Variants in ADD1 observed in about 807,000 individuals in gnomAD.
The protein encoded by ADD1 is alpha-adducin.
Under a neutral mutation model 80.5 loss-of-function variants are expected in ADD1, and 24 were observed. The observed-to-expected ratio is 0.30, with a 90% confidence interval of 0.22 to 0.42. The LOEUF (loss-of-function observed/expected upper bound fraction) is 0.42, where lower values mean the gene tolerates loss of function less well. Among genes scored for constraint, ADD1 ranks in the 10% least tolerant of loss-of-function variants. The probability of loss-of-function intolerance (pLI) is 1.00; values close to 1 mark genes in which losing one functional copy is unlikely to be tolerated. For synonymous variants in ADD1, 373 were observed against 393.8 expected (o/e 0.95, Z 0.63); for missense variants, 948 against 1,019.0 (o/e 0.93, Z 0.95).
In ADD1 at chr4:2,844,279, T is replaced by A. The variant is rs936802584; in HGVS notation, c.-21+255T>A. The A allele has an allele frequency of 3.9e-5, 6 of 152,316 alleles. No homozygotes were observed. In the East Asian group the frequency reaches 1.2e-3, roughly 29 times the overall value. The allele number at this position is 152,316 out of a possible 1,614,324, so 9.4% of individuals were successfully genotyped here. A position where few individuals can be genotyped will look rare whatever the true frequency, so the allele number is the denominator to read the frequency against. ...CGGGATAGGACCCCGGGGACTAGGC[T>A]TTTCCCGGGCCGCTCGTTCCTGGCC... On this transcript the variant is annotated intron_variant, in intron 1 of 15. Coordinates refer to ENST00000683351, the MANE Select transcript of ADD1 (RefSeq NM_001354761.2).
At position 2,904,985 on chromosome 4, in the gene ADD1, G is replaced by A; in HGVS notation, c.1383G>A (p.Gln461=). The change falls in exon 10 of 16, where the codon CAG becomes CAA. Residue 461 remains glutamine, a synonymous_variant. Coordinates refer to ENST00000683351, the MANE Select transcript of ADD1 (RefSeq NM_001354761.2). ...GRGDEASEEG[Q]NGSSPKSKTK... ...GCGACGAAGCTTCCGAGGAAGGGCA[G>A]AATGGAAGCAGTCCCAAGTCGAAGA... 6.2e-7 allele frequency: 1 copy of A among 1,614,224 alleles called. No homozygotes were observed.
intron 1 of ADD1, among the ~76,000 whole-genome samples, chr4:2,860,311 A>G (rs1728663755): frequency 1.3e-5 from 2 of 152,238 alleles, no homozygotes; most frequent in African/African-American, 4.8e-5. Flanking sequence ...TTTTGGAAAC[A>G]TAAGACCTTC....
chr4:2,924,058 G>C (rs924403893), intron 14 of ADD1, among the ~76,000 whole-genome samples: 5 of 152,232 alleles, frequency 3.3e-5, no homozygotes, highest in African/African-American at 1.2e-4. Context: ...CAGGCCGGAG[G>C]GTGAAAATGC....
intron 2 of ADD1, among the ~76,000 whole-genome samples, chr4:2,877,001 CAA>C (rs397879163): frequency 0.36 from 42,191 of 118,010 alleles, 6,291 homozygotes; most frequent in African/African-American, 0.46. Context: ...GACTCTGTCT[CAA>C]AAAAAAAAAA....
chr4:2,850,188 T>C (rs902551227), intron 1 of ADD1, among the ~76,000 whole-genome samples: 2 of 152,236 alleles, frequency 1.3e-5, no homozygotes, highest in Admixed American at 6.5e-5. Flanking sequence ...GAAAACATGC[T>C]AAGTGGAAGA....
intron 3 of ADD1, 53 bp downstream of exon 3, chr4:2,882,113 C>A (rs918494052): frequency 3.1e-5 from 46 of 1,489,566 alleles, no homozygotes; most frequent in Admixed American, 7.1e-5. Context: ...GGTAAAATTT[C>A]CTGAAGATTG....
At chr4:2,873,799 T>C (rs1285927893) in intron 1 of ADD1, among the ~76,000 whole-genome samples, 2 of 152,250 alleles carry the variant, frequency 1.3e-5, no homozygotes, top group Non-Finnish European at 2.9e-5. Flanking sequence ...TGAGGAAATA[T>C]TGCCAGATAA....
chr4:2,914,116 A>ACCC (rs928565129), intron 13 of ADD1, among the ~76,000 whole-genome samples: 2 of 150,834 alleles, frequency 1.3e-5, no homozygotes, highest in African/African-American at 2.4e-5. Flanking sequence ...CCTGCCCCTG[A>ACCC]CCCAATCAGG....
At chr4:2,899,236 A>G (rs770123552) in intron 8 of ADD1, 23 bp from the exon 9 acceptor site, 3 of 1,594,676 alleles carry the variant, frequency 1.9e-6, no homozygotes, top group South Asian at 2.3e-5. Flanking sequence ...AACTCAAGCC[A>G]TGCTGTGTGT....
chr4:2,909,294 C>T, intron 12 of ADD1, 45 bp from the exon 13 acceptor site: 3 of 1,478,006 alleles, frequency 2.0e-6, no homozygotes, highest in Non-Finnish European at 2.8e-6. Flanking sequence ...TGATATTTCA[C>T]AGGCTGGGCC....
chr4:2,860,995 C>G (rs1162968168), intron 1 of ADD1, among the ~76,000 whole-genome samples: 2 of 152,106 alleles, frequency 1.3e-5, no homozygotes, highest in Non-Finnish European at 2.9e-5. Flanking sequence ...GGGGACTATT[C>G]TAAATAGGGT....
At chr4:2,879,271 C>G (rs1323576968) in intron 2 of ADD1, among the ~76,000 whole-genome samples, 1 of 152,158 alleles carries the variant, frequency 6.6e-6, no homozygotes, top group Non-Finnish European at 1.5e-5. Flanking sequence ...GCCACGTGTC[C>G]TTTCTGCACT....
At chr4:2,862,942 C>G (rs1241865027) in intron 1 of ADD1, among the ~76,000 whole-genome samples, 1 of 152,224 alleles carries the variant, frequency 6.6e-6, no homozygotes, top group Non-Finnish European at 1.5e-5. Flanking sequence ...TCCTTTGACT[C>G]TGCTCCAGTT....
intron 2 of ADD1, among the ~76,000 whole-genome samples, chr4:2,876,967 ACTC>A (rs1258203153): frequency 1.3e-5 from 2 of 148,812 alleles, no homozygotes; most frequent in African/African-American, 5.0e-5. Flanking sequence ...GTGCTACTGC[ACTC>A]CAGCCTGGGC....
chr4:2,849,687 T>A (rs1481165084), intron 1 of ADD1, among the ~76,000 whole-genome samples: 2 of 152,226 alleles, frequency 1.3e-5, no homozygotes, highest in African/African-American at 4.8e-5. Context: ...ATTAACGTAT[T>A]GAGAATGATT....
intron 4 of ADD1, among the ~76,000 whole-genome samples, chr4:2,889,146 G>A (rs768911693): frequency 3.9e-5 from 6 of 152,144 alleles, no homozygotes; most frequent in Non-Finnish European, 5.9e-5. Context: ...AGTGTCCTTT[G>A]GGCAAAGGAA....
intron 2 of ADD1, among the ~76,000 whole-genome samples, chr4:2,881,072 CTTTTT>C (rs752868581): frequency 3.8e-4 from 34 of 89,360 alleles, no homozygotes; most frequent in Non-Finnish European, 5.8e-4. Context: ...GATGTATTTA[CTTTTT>C]TTTTTTTTTT....
chr4:2,894,763 C>G (rs530478761), intron 6 of ADD1, 32 bp downstream of exon 6: 1 of 1,568,306 alleles, frequency 6.4e-7, no homozygotes, highest in Admixed American at 2.2e-5. Flanking sequence ...ATCTCAAGGT[C>G]TAAAGCTGCT....
chr4:2,878,096 A>C (rs1237778787), intron 2 of ADD1, among the ~76,000 whole-genome samples: 2 of 152,130 alleles, frequency 1.3e-5, no homozygotes, highest in Non-Finnish European at 2.9e-5. Flanking sequence ...TGGCAGAGTG[A>C]GGTTGGAGAG....
Sources: gnomAD v4.1 joint callset for allele counts (sites outside exome capture counted in the v4.1 genomes callset) on GRCh38, gnomAD v4.1.1 for gene constraint, MANE v1.5 for transcripts, NCBI Gene and HGNC (gene_info 2026-07-23, HGNC 2026-07-21) for gene names.